The following ZNF117 variants were observed in gnomAD, a reference collection of about 807,000 sequenced individuals.
ZNF117 encodes the protein Krueppel-related zinc finger protein.
A neutral mutation model predicts 41.2 loss-of-function variants in ZNF117; 37 were observed. That is an observed-to-expected ratio of 0.90 (90% CI 0.69 to 1.18). The LOEUF (loss-of-function observed/expected upper bound fraction) is 1.18, where lower values mean the gene tolerates loss of function less well. Among genes scored for constraint, ZNF117 ranks in the 50% most tolerant of loss-of-function variants. The probability of loss-of-function intolerance (pLI) is 0.00; values close to 1 mark genes in which losing one functional copy is unlikely to be tolerated. For missense variants in ZNF117, 546 were observed against 557.5 expected, an observed-to-expected ratio of 0.98 and a Z score of 0.21; for synonymous variants, 186 against 186.6, an observed-to-expected ratio of 1.00 and a Z score of 0.02.
Position 64,975,345 on chromosome 7 carries a change from CTAAAA to C in ZNF117, c.*2769_*2773del, listed in dbSNP as rs1374471077. 4.6e-4 allele frequency: 70 copies of C among 151,968 alleles called. 1 individual carries two copies. The highest frequency in any genetic ancestry group is 1.5e-3 in the African/African-American group (62 of 41,494). The allele number at this position is 151,968 out of a possible 1,614,324, so 9.4% of individuals were successfully genotyped here. On this transcript the variant is annotated 3_prime_UTR_variant, in exon 3 of 3. Coordinates refer to ENST00000620222, the Ensembl canonical transcript of ZNF117. ...ACTACTAATTTTAATTTAATTTTAACTAAAATAAAAGATATTTTCACTAGAATGCA... is the reference window on the plus strand; with the variant it reads ...ACTACTAATTTTAATTTAATTTTAACTAAAAGATATTTTCACTAGAATGCA...
exon 3 of ZNF117, chr7:64,977,373 G>C (rs1049434982): frequency 1.4e-5 from 6 of 414,154 alleles, no homozygotes; most frequent in African/African-American, 8.3e-5. Context: ...CTGGCTAAAA[G>C]CTTTAGCACA....
exon 3 of ZNF117, chr7:64,979,080 G>A: frequency 5.6e-6 from 9 of 1,612,992 alleles, no homozygotes; most frequent in Non-Finnish European, 6.8e-6. Flanking sequence ...ACATTTGTAA[G>A]GTTTTTCTCC....
downstream of ZNF117, chr7:64,973,794 A>C (rs1193111387): frequency 6.6e-6 from 1 of 151,980 alleles, no homozygotes; most frequent in Non-Finnish European, 1.5e-5. Context: ...AAAAGAACCA[A>C]AATTTCTTTT....
chr7:64,987,828 G>GA (rs71061345), intron 1 of ZNF117, among the ~76,000 whole-genome samples: 10 of 136,834 alleles, frequency 7.3e-5, no homozygotes, highest in Non-Finnish European at 1.3e-4. Flanking sequence ...CCACAAAAAG[G>GA]AAAAAAAAAA....
chr7:64,982,996 C>T (rs1259121308), upstream of ZNF117, among the ~76,000 whole-genome samples: 1 of 152,114 alleles, frequency 6.6e-6, no homozygotes, highest in Non-Finnish European at 1.5e-5. Context: ...CATAAAAAAT[C>T]AGTTTTATGG....
chr7:64,989,363 A>G (rs1036201650), intron 1 of ZNF117, among the ~76,000 whole-genome samples: 5 of 149,408 alleles, frequency 3.3e-5, no homozygotes, highest in Admixed American at 6.8e-5. Flanking sequence ...TATGCAGAAG[A>G]TTGAAACTGG....
intron 1 of ZNF117, among the ~76,000 whole-genome samples, chr7:64,988,477 C>T (rs1441338434): frequency 1.3e-5 from 2 of 152,104 alleles, no homozygotes; most frequent in Admixed American, 1.3e-4. Context: ...TTCTGTATGA[C>T]AAACCCACAA....
At position 64,981,697 on chromosome 7, in the gene ZNF117, T is replaced by C. The variant is rs537366269; in HGVS notation, c.-62-215A>G. Among the ~76,000 whole-genome samples the C allele has an allele frequency of 3.3e-5, 5 of 152,194 alleles. No individual in the cohort carries two copies. The East Asian group carries it at 7.7e-4, about 23-fold the overall frequency. On this transcript the variant is annotated intron_variant, in intron 1 of 2. Transcript: ENST00000620222. ...TACTACTGAATCAAAACAATTGTTG[T>C]TGGGAGTTAGATTTTAAGGTGTGGG...
At chr7:64,985,723 G>A (rs916329981), upstream of ZNF117, among the ~76,000 whole-genome samples, 1 of 152,084 alleles carries the variant, frequency 6.6e-6, no homozygotes, top group Admixed American at 6.5e-5. Context: ...CACTTTGGGA[G>A]GCTGAGGCTG....
chr7:64,974,709 G>A (rs1785842608), exon 3 of ZNF117: 1 of 151,848 alleles, frequency 6.6e-6, no homozygotes, highest in Non-Finnish European at 1.5e-5. Context: ...AAATGTTTAA[G>A]CAGGACTCAG....
At chr7:64,977,685 G>T in exon 3 of ZNF117, 1 of 797,842 alleles carries the variant, frequency 1.3e-6, no homozygotes, top group Non-Finnish European at 2.0e-6. Flanking sequence ...CTTATGTGTA[G>T]TAAGGTTTAC....
rs1562984393 is a variant in ZNF117 at position 64,978,870 on chromosome 7, G to GACAA, written c.700_701insTTGT (p.Ser234PhefsTer6). 1 of 1,613,618 alleles carries GACAA rather than the reference G, an allele frequency of 6.2e-7. No homozygotes were observed. Among genetic ancestry groups the GACAA allele is most frequent in the South Asian group, 1.1e-5 (1 of 91,076 alleles). On this transcript the variant is annotated frameshift_variant, in exon 3 of 3. Coordinates refer to ENST00000620222, the Ensembl canonical transcript of ZNF117. LOFTEE classifies it high-confidence loss of function. ...AATTAACTTATGTTCAGTAAGCTTT[G>GACAA]AGGCTTGGTTAAAAGCTCTAACACA...
At chr7:64,989,444 T>TATATATATATAC (rs1491401158) in intron 1 of ZNF117, among the ~76,000 whole-genome samples, 26 of 2,364 alleles carry the variant, frequency 0.011, no homozygotes, top group Admixed American at 0.026. Context: ...AACTTAAAAT[T>TATATATATATAC]ATATATATAT....
chr7:64,981,212 G>T, intron 2 of ZNF117, 175 bp downstream of exon 3: 1 of 779,378 alleles, frequency 1.3e-6, no homozygotes, highest in Non-Finnish European at 2.0e-6. Flanking sequence ...AATCCTTAGA[G>T]AATTGAAAAA....
At chr7:64,982,668 C>T (rs1377315922), upstream of ZNF117, among the ~76,000 whole-genome samples, 3 of 152,022 alleles carry the variant, frequency 2.0e-5, no homozygotes, top group Admixed American at 6.6e-5. Flanking sequence ...TGTGTTTTTC[C>T]CAGTTTTTCT....
chr7:64,979,395 C>T (rs1156718393), exon 3 of ZNF117: 2 of 1,610,670 alleles, frequency 1.2e-6, no homozygotes, highest in Admixed American at 1.7e-5. Context: ...GTGCTGTTTA[C>T]ACTCAACCAC....
At chr7:64,978,824 A>G (rs763971379) in exon 3 of ZNF117, 37 of 1,613,358 alleles carry the variant, frequency 2.3e-5, no homozygotes, top group East Asian at 8.9e-5. Context: ...CTTCACATTC[A>G]TAACGTTTCT....
chr7:64,977,448 C>T lies in ZNF117; in HGVS notation c.*671G>A, dbSNP rs1157560615. On this transcript the variant is annotated 3_prime_UTR_variant, in exon 3 of 3. Transcript: ENST00000620222. ...CTTATGTGTAGTAAGTTTTGAGCATCGACTGAAAGTTTTGCCACATTCCTC... is the reference window on the plus strand; with the variant it reads ...CTTATGTGTAGTAAGTTTTGAGCATTGACTGAAAGTTTTGCCACATTCCTC... 11 of 458,852 alleles carry T rather than the reference C, an allele frequency of 2.4e-5. No individual in the cohort carries two copies. In the East Asian group the frequency reaches 3.5e-4, roughly 15 times the overall value. The allele number at this position is 458,852 out of a possible 1,614,324, so 28.4% of individuals were successfully genotyped here.
chr7:64,986,390 T>C (rs540059922), upstream of ZNF117, among the ~76,000 whole-genome samples: 1 of 152,296 alleles, frequency 6.6e-6, no homozygotes, highest in East Asian at 1.9e-4. Context: ...TGTCATTGTC[T>C]GTCAGTGAAT....
Sources: gnomAD v4.1 joint callset for allele counts (sites outside exome capture counted in the v4.1 genomes callset) on GRCh38, gnomAD v4.1.1 for gene constraint, MANE v1.5 for transcripts, NCBI Gene and HGNC (gene_info 2026-07-23, HGNC 2026-07-21) for gene names.